Variants in PXN observed in about 807,000 individuals in gnomAD.
PXN encodes paxillin, also known as testicular tissue protein Li 134.
Under a neutral mutation model 103.6 loss-of-function variants are expected in PXN, and 61 were observed. That is an observed-to-expected ratio of 0.59 (90% CI 0.48 to 0.73). The LOEUF (loss-of-function observed/expected upper bound fraction) is 0.73, where lower values mean the gene tolerates loss of function less well. Among genes scored for constraint, PXN ranks in the 30% least tolerant of loss-of-function variants. The pLI, the probability that PXN is intolerant of heterozygous loss-of-function variation, is 0.00. For missense variants in PXN, 1,274 were observed against 1,460.3 expected, an observed-to-expected ratio of 0.87 and a Z score of 2.08; for synonymous variants, 562 against 607.8, an observed-to-expected ratio of 0.92 and a Z score of 1.11.
At chr12:120,235,457 G>C (rs1418043119) in intron 1 of PXN, among the ~76,000 whole-genome samples, 1 of 152,100 alleles carries the variant, frequency 6.6e-6, no homozygotes, top group Non-Finnish European at 1.5e-5. Context: ...CACGAGGACT[G>C]CGCTGCCTGA....
chr12:120,235,866 G>A (rs1814619333), intron 1 of PXN, among the ~76,000 whole-genome samples: 1 of 152,126 alleles, frequency 6.6e-6, no homozygotes, highest in African/African-American at 2.4e-5. Context: ...TGAACCTCAG[G>A]GTGCAAGATG....
Position 120,219,654 on chromosome 12 carries a change from G to A in PXN, c.1269C>T (p.Ser423=), listed in dbSNP as rs779403367. ...CCAAGGCCTCCTCTGGGCACGAAGG[G>A]CTGGCTGGTGGCCCCTGGGGCTCCC... The part of the protein sequence containing the change: ...EPGEPQGPPA[S]PSCPEEALAA... The change falls in exon 7 of 15, where the codon AGC becomes AGT. Residue 423 remains serine (S), a synonymous_variant. Transcript: ENST00000637617. This position sits in a 1 kb window ranked among gnomAD's most constrained non-coding sequence, Gnocchi z 6.5. The A allele has an allele frequency of 7.6e-6, 12 of 1,583,260 alleles. No homozygotes were observed. Among genetic ancestry groups the A allele is most frequent in the Non-Finnish European group, 9.4e-6 (11 of 1,172,994 alleles).
rs1048378223 is a variant in PXN, at chr12:120,215,588, C to T, written c.2375G>A (p.Ser792Asn). The T allele has an allele frequency of 6.2e-7, 1 of 1,607,030 alleles. No homozygotes were observed. Among genetic ancestry groups the T allele is most frequent in the Admixed American group, 1.7e-5 (1 of 59,342 alleles). Residue 792 changes from serine to asparagine, a missense_variant, in exon 10 of 15, where the codon AGC becomes AAC. Around this residue, in one of 2 missense-constraint regions of PXN, gnomAD observed 1,178 missense variants for 1,309.0 expected, o/e 0.90. Coordinates refer to ENST00000637617, the MANE Select transcript of PXN (RefSeq NM_001385981.1). This position sits in a 1 kb window ranked among gnomAD's most constrained non-coding sequence, Gnocchi z 4.9. The part of the protein sequence containing the change: ...AAGWPRDGGR[S>N]SPGGQDEGGF... ...TCCCTCGTCCTGCCCTCCGGGGCTG[C>T]TCCGCCCGCCGTCCCGAGGCCAGCC...
At chr12:120,249,157 TAATAA>T (rs1891730230) in intron 1 of PXN, among the ~76,000 whole-genome samples, 1 of 151,818 alleles carries the variant, frequency 6.6e-6, no homozygotes, top group African/African-American at 2.4e-5. Context: ...AATAAATAAA[TAATAA>T]AATAAAAATC....
rs372973198 is a variant in PXN at position 120,214,415 on chromosome 12, T to C, written c.2749-198A>G. On this transcript the variant is annotated intron_variant, in intron 12 of 14. Coordinates refer to ENST00000637617, the MANE Select transcript of PXN (RefSeq NM_001385981.1). This position sits in a 1 kb window ranked among gnomAD's most constrained non-coding sequence, Gnocchi z 5.0. ...CTCAGGATGGGACAAGCCAGACACA[T>C]ACCCTCTCCTCTACTCCTCACCCCA... Among the ~76,000 whole-genome samples the C allele has an allele frequency of 1.3e-5, 2 of 152,182 alleles. No individual in the cohort carries two copies. Among genetic ancestry groups the C allele is most frequent in the Non-Finnish European group, 2.9e-5 (2 of 68,022 alleles).
At chr12:120,260,009 T>C (rs1357584594) in intron 1 of PXN, among the ~76,000 whole-genome samples, 5 of 152,136 alleles carry the variant, frequency 3.3e-5, no homozygotes, top group Non-Finnish European at 7.4e-5. Context: ...CAGGAAGGCT[T>C]CTGATTCCTG....
chr12:120,260,047 G>C (rs115636519), intron 1 of PXN, among the ~76,000 whole-genome samples: 4 of 152,302 alleles, frequency 2.6e-5, no homozygotes, highest in Admixed American at 2.6e-4. Context: ...GGGACCACAG[G>C]GGACCTGCCC....
At position 120,216,652 on chromosome 12, in the gene PXN, T is replaced by TC. The variant is rs1883129099; in HGVS notation, c.1993-72dup. The TC allele has an allele frequency of 2.6e-6, 4 of 1,554,112 alleles. No individual in the cohort carries two copies. The highest frequency in any genetic ancestry group is 3.4e-6 in the Non-Finnish European group (4 of 1,166,300). ...CTCAGCCCACAGGGGTGGCGGGACC[T>TC]CCCCAGGCTCCCCCTGGGCCTTCCC... On this transcript the variant is annotated intron_variant, in intron 8 of 14. Transcript: ENST00000637617. The surrounding 1 kb of genome is among the most constrained non-coding windows in gnomAD (Gnocchi z 5.1).
In PXN at chr12:120,211,878, C is replaced by T. The variant is rs570976594; in HGVS notation, c.*436G>A. The T allele has an allele frequency of 2.1e-5, 11 of 513,120 alleles. No homozygotes were observed. Among genetic ancestry groups the T allele is most frequent in the South Asian group, 1.6e-4 (11 of 70,356 alleles). The allele number at this position is 513,120 out of a possible 1,614,324, so 31.8% of individuals were successfully genotyped here. On this transcript the variant is annotated 3_prime_UTR_variant, in exon 15 of 15. Coordinates refer to ENST00000637617, the MANE Select transcript of PXN (RefSeq NM_001385981.1). ...GGAGCCGGGTGTCCCCCAATAATCACAGAACAAAGACAATTAGGTCGGGGG... is the reference window on the plus strand; with the variant it reads ...GGAGCCGGGTGTCCCCCAATAATCATAGAACAAAGACAATTAGGTCGGGGG...
chr12:120,216,365 C>A lies in PXN; in HGVS notation c.2209G>T (p.Val737Leu). The A allele has an allele frequency of 7.6e-7, 1 of 1,315,688 alleles. No homozygotes were observed. The highest frequency in any genetic ancestry group is 9.6e-7 in the Non-Finnish European group (1 of 1,038,716). The allele number at this position is 1,315,688 out of a possible 1,614,324, so 81.5% of individuals were successfully genotyped here. A position where few individuals can be genotyped will look rare whatever the true frequency, so the allele number is the denominator to read the frequency against. Residue 737 changes from valine to leucine, a missense_variant, in exon 9 of 15, where the codon GTG (valine) becomes TTG (leucine). By Grantham distance (32) the Val-to-Leu change is conservative. This residue lies in a region of PXN where 1,178 missense variants were observed against 1,309.0 expected (regional missense o/e 0.90). Transcript: ENST00000637617. This position sits in a 1 kb window ranked among gnomAD's most constrained non-coding sequence, Gnocchi z 5.1. Reference sequence around the variant, plus strand: ...GGAATGGGAAGGGCAGGGCCCTGCACCCCCTCATCATGGGGCTCTTCCCCT... The same window carrying A: ...GGAATGGGAAGGGCAGGGCCCTGCAACCCCTCATCATGGGGCTCTTCCCCT... The part of the protein sequence containing the change: ...SAGEEPHDEG[V>L]QGPALPIPAP...
chr12:120,260,210 C>T (rs572609944), intron 1 of PXN, among the ~76,000 whole-genome samples: 3 of 152,256 alleles, frequency 2.0e-5, no homozygotes, highest in South Asian at 4.1e-4. Flanking sequence ...AGTGTGTGTC[C>T]CCAAGAAAGA....
intron 1 of PXN, among the ~76,000 whole-genome samples, chr12:120,239,615 T>G (rs1420652256): frequency 6.6e-6 from 1 of 150,946 alleles, no homozygotes; most frequent in Non-Finnish European, 1.5e-5. Flanking sequence ...GGCGTGGTGG[T>G]GCATGCCTGT....
At position 120,215,314 on chromosome 12, in the gene PXN, G is replaced by A. The variant is rs778277889; in HGVS notation, c.2404-41C>T. ...GGGCTGGTCAGGACTCCTGAGGCTC[G>A]GGGTACGGTGTCTGGCAGCACAGGG... On this transcript the variant is annotated intron_variant, in intron 10 of 14. Coordinates refer to ENST00000637617, the MANE Select transcript of PXN (RefSeq NM_001385981.1). The surrounding 1 kb of genome is among the most constrained non-coding windows in gnomAD (Gnocchi z 4.9). The A allele has an allele frequency of 1.6e-5, 25 of 1,552,828 alleles. No individual in the cohort carries two copies. Among genetic ancestry groups the A allele is most frequent in the African/African-American group, 4.1e-5 (3 of 73,468 alleles).
chr12:120,263,068 C>T (rs536140433), intron 1 of PXN, among the ~76,000 whole-genome samples: 11 of 152,238 alleles, frequency 7.2e-5, no homozygotes, highest in African/African-American at 2.2e-4. Context: ...GCCTTGCTAC[C>T]GGACACACCA....
At chr12:120,261,739 AG>A (rs1216409230) in intron 1 of PXN, among the ~76,000 whole-genome samples, 2 of 152,160 alleles carry the variant, frequency 1.3e-5, no homozygotes, top group Non-Finnish European at 2.9e-5. Flanking sequence ...GACCATCACT[AG>A]GGAAGCTGGA....
At chr12:120,226,509 A>C in intron 1 of PXN, 1 of 1,256,556 alleles carries the variant, frequency 8.0e-7, no homozygotes, top group Non-Finnish European at 1.0e-6. Flanking sequence ...CAGAAGACAA[A>C]TGGTCAGGCT....
intron 1 of PXN, among the ~76,000 whole-genome samples, chr12:120,239,224 A>AGGTCAAGAGG (rs1219858679): frequency 6.6e-6 from 1 of 152,128 alleles, no homozygotes; most frequent in Non-Finnish European, 1.5e-5. Flanking sequence ...AGGCCAACGG[A>AGGTCAAGAGG]TCACCTGAGG....
At position 120,214,355 on chromosome 12, in the gene PXN, A is replaced by C. The variant is rs1180034808; in HGVS notation, c.2749-138T>G. On this transcript the variant is annotated intron_variant, in intron 12 of 14. Transcript: ENST00000637617. This position sits in a 1 kb window ranked among gnomAD's most constrained non-coding sequence, Gnocchi z 5.0. Reference sequence around the variant, plus strand: ...ACTCCCAAGATGGGGGTCTCTCCTAATTGTGCTGTGAATGCCTCTAAGAAT... The same window carrying C: ...ACTCCCAAGATGGGGGTCTCTCCTACTTGTGCTGTGAATGCCTCTAAGAAT... 5.4e-6 allele frequency: 4 copies of C among 742,226 alleles called. No homozygotes were observed. Among genetic ancestry groups the C allele is most frequent in the Non-Finnish European group, 9.0e-6 (4 of 442,010 alleles). 46.0% of individuals were successfully genotyped at this position (742,226 alleles called of 1,614,324 possible). A position where few individuals can be genotyped will look rare whatever the true frequency, so the allele number is the denominator to read the frequency against.
rs71541561 is a variant in PXN, at chr12:120,213,914, G to A, written c.2907C>T (p.Cys969=). ...FDMFAPKCGG[C]ARAILENYIS... ...TATAGTTCTCCAGGATGGCCCGGGC[G>A]CAGCCGCCACACTTGGGTGCGAACA... Residue 969 remains cysteine, a synonymous_variant, in exon 14 of 15, where the codon TGC becomes TGT. Coordinates refer to ENST00000637617, the MANE Select transcript of PXN (RefSeq NM_001385981.1). This position sits in a 1 kb window ranked among gnomAD's most constrained non-coding sequence, Gnocchi z 4.2. 41 of 1,610,806 alleles carry A rather than the reference G, an allele frequency of 2.5e-5. No homozygotes were observed. The highest frequency in any genetic ancestry group is 8.4e-5 in the Admixed American group (5 of 59,608).
Sources: allele counts gnomAD v4.1 joint callset (sites outside exome capture counted in the v4.1 genomes callset), GRCh38; gene constraint gnomAD v4.1.1; regional missense constraint gnomAD v4.1.1; non-coding constraint Gnocchi (gnomAD v3.1); transcripts MANE v1.5; gene names NCBI Gene and HGNC (gene_info 2026-07-23, HGNC 2026-07-21).